ZNF362: variants seen among roughly 807,000 people sequenced by gnomAD.
ZNF362 encodes zinc finger protein 362.
ZNF362 carries 11 observed loss-of-function variants against 42.9 expected under a neutral mutation model. The observed-to-expected ratio is 0.26, with a 90% CI of 0.16 to 0.42. The LOEUF is 0.42. ZNF362 is among the 20% of genes least tolerant of loss of function. The probability of loss-of-function intolerance (pLI) is 1.00; values close to 1 mark genes in which losing one functional copy is unlikely to be tolerated. For synonymous variants in ZNF362, 255 were observed against 257.3 expected (o/e 0.99, Z 0.09); for missense variants, 362 against 576.2 (o/e 0.63, Z 3.81).
the ZNF362 span, among the ~76,000 whole-genome samples, chr1:33,248,017 GCTT>G: frequency 6.6e-6 from 1 of 152,232 alleles, no homozygotes. Flanking sequence ...GGTGTGTACT[GCTT>G]CTAATCCTGG....
chr1:33,152,813 G>A, the ZNF362 span, among the ~76,000 whole-genome samples: 14 of 152,128 alleles, frequency 9.2e-5, no homozygotes, highest in Non-Finnish European at 1.5e-4. Flanking sequence ...GGAATGTGCC[G>A]GGACTCAAAA....
At chr1:33,215,621 A>G in the ZNF362 span, among the ~76,000 whole-genome samples, 1 of 152,162 alleles carries the variant, frequency 6.6e-6, no homozygotes, top group Non-Finnish European at 1.5e-5. Flanking sequence ...ACATTGCCCT[A>G]TGTACTCCAT....
intron 2 of ZNF362, among the ~76,000 whole-genome samples, chr1:33,272,464 G>A (rs1344429915): frequency 2.6e-5 from 4 of 152,122 alleles, no homozygotes; most frequent in East Asian, 1.9e-4. Context: ...TGGAAGGGGC[G>A]TTTCGTTCAT....
the ZNF362 span, among the ~76,000 whole-genome samples, chr1:33,194,513 C>T: frequency 4.6e-3 from 544 of 119,466 alleles, 5 homozygotes; most frequent in Non-Finnish European, 5.0e-3. Flanking sequence ...GCCTGGGTGA[C>T]GAGTGTGTGA....
At chr1:33,207,500 G>A in the ZNF362 span, among the ~76,000 whole-genome samples, 16 of 152,130 alleles carry the variant, frequency 1.1e-4, no homozygotes, top group African/African-American at 3.9e-4. Context: ...GGTATTTCTA[G>A]TTCTAGATCC....
chr1:33,130,481 G>A, the ZNF362 span, among the ~76,000 whole-genome samples: 1 of 152,168 alleles, frequency 6.6e-6, no homozygotes. Context: ...ATGTGTCAAA[G>A]AACAGATGAC....
intron 2 of ZNF362, chr1:33,274,947 T>G: frequency 1.0e-6 from 1 of 985,270 alleles, no homozygotes; most frequent in Non-Finnish European, 1.2e-6. Flanking sequence ...TGAGATTAGA[T>G]TGTGTCCTTA....
the ZNF362 span, among the ~76,000 whole-genome samples, chr1:33,189,709 G>GTATATATA: frequency 1.6e-4 from 2 of 12,452 alleles, no homozygotes; most frequent in African/African-American, 4.6e-4. Context: ...ACATATATAC[G>GTATATATA]TATATATATA....
the ZNF362 span, among the ~76,000 whole-genome samples, chr1:33,144,150 T>A: frequency 3.0e-5 from 3 of 98,612 alleles, no homozygotes; most frequent in Non-Finnish European, 4.4e-5. Context: ...TTTTTTTTTT[T>A]TTTTTGAGAC....
the ZNF362 span, among the ~76,000 whole-genome samples, chr1:33,136,496 G>C: frequency 9.2e-5 from 14 of 151,918 alleles, no homozygotes; most frequent in African/African-American, 3.4e-4. Context: ...AGCCTACCGA[G>C]TAGCTGGGAC....
At chr1:33,175,332 G>A in the ZNF362 span, among the ~76,000 whole-genome samples, 2 of 151,958 alleles carry the variant, frequency 1.3e-5, no homozygotes, top group African/African-American at 4.8e-5. Context: ...GTGGGCCACT[G>A]CGCCCAGCCC....
chr1:33,201,658 T>C, the ZNF362 span, among the ~76,000 whole-genome samples: 1 of 152,190 alleles, frequency 6.6e-6, no homozygotes, highest in Non-Finnish European at 1.5e-5. Context: ...AGGAAAGTTA[T>C]AGCACTAAAT....
At chr1:33,200,738 C>A in the ZNF362 span, among the ~76,000 whole-genome samples, 1 of 152,252 alleles carries the variant, frequency 6.6e-6, no homozygotes. Flanking sequence ...TCCTAAGCAA[C>A]TAATAAGGGA....
chr1:33,219,613 G>A, the ZNF362 span, among the ~76,000 whole-genome samples: 2 of 152,180 alleles, frequency 1.3e-5, no homozygotes, highest in African/African-American at 2.4e-5. Flanking sequence ...GGGGTGAGAC[G>A]GGGCATGCCC....
chr1:33,230,948 A>G, the ZNF362 span, among the ~76,000 whole-genome samples: 1 of 152,250 alleles, frequency 6.6e-6, no homozygotes, highest in Admixed American at 6.5e-5. Context: ...TAAGGTATCA[A>G]CAAGAAGAAT....
At chr1:33,234,281 A>G in the ZNF362 span, among the ~76,000 whole-genome samples, 133 of 152,162 alleles carry the variant, frequency 8.7e-4, no homozygotes, top group Non-Finnish European at 1.5e-3. Context: ...AAATGAGTAA[A>G]CTAACACCTG....
chr1:33,222,029 G>A, the ZNF362 span, among the ~76,000 whole-genome samples: 3 of 152,170 alleles, frequency 2.0e-5, no homozygotes, highest in African/African-American at 7.2e-5. Context: ...TAGTATGTGT[G>A]TTCTGAGGAC....
chr1:33,232,724 C>A, the ZNF362 span, among the ~76,000 whole-genome samples: 4 of 152,202 alleles, frequency 2.6e-5, no homozygotes, highest in Non-Finnish European at 5.9e-5. Flanking sequence ...AGAACTTATA[C>A]TCTTGTTATT....
At chr1:33,159,932 T>C in the ZNF362 span, 2 of 1,604,284 alleles carry the variant, frequency 1.2e-6, no homozygotes, top group East Asian at 2.2e-5. This position sits in a 1 kb window ranked among gnomAD's most constrained non-coding sequence, Gnocchi z 4.2. Flanking sequence ...GTCCGCAGGC[T>C]CTTGGTGGAA....
Sources: gnomAD v4.1 joint callset for allele counts (sites outside exome capture counted in the v4.1 genomes callset) on GRCh38, gnomAD v4.1.1 for gene constraint, Gnocchi (gnomAD v3.1) non-coding constraint, MANE v1.5 for transcripts, NCBI Gene and HGNC (gene_info 2026-07-23, HGNC 2026-07-21) for gene names.